Variants in TOM1 observed in about 807,000 individuals in gnomAD.
The protein encoded by TOM1 is target of myb1 membrane trafficking protein.
In TOM1, 38 loss-of-function variants were observed where a neutral mutation model predicts 61.3. That is an observed-to-expected ratio of 0.62 (90% CI 0.48 to 0.81). The LOEUF (loss-of-function observed/expected upper bound fraction) is 0.81, where lower values mean the gene tolerates loss of function less well. TOM1 is among the 40% of genes least tolerant of loss of function. TOM1 has a pLI of 0.00. For synonymous variants in TOM1, 270 were observed against 268.8 expected, an observed-to-expected ratio of 1.00 and a Z score of -0.04; for missense variants, 591 against 659.6, an observed-to-expected ratio of 0.90 and a Z score of 1.14.
At chr22:35,300,906 C>A (rs76982037) in intron 1 of TOM1, among the ~76,000 whole-genome samples, 19 of 42,890 alleles carry the variant, frequency 4.4e-4, no homozygotes, top group Non-Finnish European at 1.5e-3. Context: ...TAAAAAAAAA[C>A]AGTTGTAATA....
intron 12 of TOM1, chr22:35,345,437 C>T (rs1428184438): frequency 5.8e-6 from 3 of 519,440 alleles, no homozygotes; most frequent in Non-Finnish European, 1.1e-5. Flanking sequence ...AGAATCCTAC[C>T]CGAAGGGTGT....
chr22:35,326,828 C>T (rs2145672182), intron 6 of TOM1, among the ~76,000 whole-genome samples: 1 of 151,596 alleles, frequency 6.6e-6, no homozygotes, highest in Non-Finnish European at 1.5e-5. Context: ...GGGGGGGATC[C>T]CAGTCTTCTA....
chr22:35,315,967 C>T (rs1244921731), intron 1 of TOM1, among the ~76,000 whole-genome samples: 3 of 152,264 alleles, frequency 2.0e-5, no homozygotes, highest in Non-Finnish European at 4.4e-5. Context: ...ACCCACCCTC[C>T]CCGAGCCGGG....
chr22:35,343,518 TAC>T (rs912989467), intron 12 of TOM1, among the ~76,000 whole-genome samples: 4 of 79,592 alleles, frequency 5.0e-5, no homozygotes, highest in African/African-American at 2.0e-4. Flanking sequence ...CTCATACACC[TAC>T]ACACACCACA....
intron 12 of TOM1, among the ~76,000 whole-genome samples, chr22:35,341,802 A>G (rs1601715061): frequency 6.6e-6 from 1 of 152,132 alleles, no homozygotes; most frequent in East Asian, 1.9e-4. Flanking sequence ...AAGCTGATAA[A>G]CCGGTTATCA....
At chr22:35,333,196 C>T (rs1928989505) in intron 9 of TOM1, 182 bp downstream of exon 9, 4 of 803,910 alleles carry the variant, frequency 5.0e-6, no homozygotes, top group East Asian at 5.3e-5. Flanking sequence ...TGTGCCACCA[C>T]CTGATGCCCC....
intron 2 of TOM1, among the ~76,000 whole-genome samples, chr22:35,319,876 C>A (rs528270956): frequency 1.2e-3 from 187 of 152,330 alleles, no homozygotes; most frequent in Non-Finnish European, 1.5e-3. Context: ...CCACCGCAGG[C>A]CTGACCGCCT....
Position 35,306,449 on chromosome 22 carries a change from G to A in TOM1, c.52+6469G>A, listed in dbSNP as rs556643652. Reference sequence around the variant, plus strand: ...ATCCCCAAGTTTCTGTCTTGAGGATGACAGAGCTTTGTCTAGAAAGGGCTT... The same window carrying A: ...ATCCCCAAGTTTCTGTCTTGAGGATAACAGAGCTTTGTCTAGAAAGGGCTT... On this transcript the variant is annotated intron_variant, in intron 1 of 14. Transcript: ENST00000449058. Among the ~76,000 whole-genome samples the A allele has an allele frequency of 2.2e-4, 34 of 152,316 alleles. 1 individual carries two copies. In the South Asian group the frequency reaches 5.6e-3, roughly 25 times the overall value.
intron 11 of TOM1, among the ~76,000 whole-genome samples, chr22:35,336,067 G>A (rs1285133490): frequency 3.9e-5 from 6 of 152,282 alleles, no homozygotes; most frequent in African/African-American, 1.4e-4. Flanking sequence ...ATGAGCAGGA[G>A]GGAGCACAGG....
At chr22:35,333,536 A>G (rs1929019658) in intron 10 of TOM1, 39 bp downstream of exon 10, 1 of 1,591,622 alleles carries the variant, frequency 6.3e-7, no homozygotes. Context: ...AGGGTACATT[A>G]TGGTACTGTG....
At position 35,323,129 on chromosome 22, in the gene TOM1, G is replaced by C; in HGVS notation, c.318G>C (p.Lys106Asn). ...TGCTGGTGAGGACCATCCTGCCCAA[G>C]AACAACCCACCCACCATCGTGCATG... Reference protein sequence around the residue: ...ESVLVRTILPKNNPPTIVHDK... With the variant: ...ESVLVRTILPNNNPPTIVHDK... Residue 106 changes from lysine to asparagine, a missense_variant, in exon 4 of 15, where the codon AAG (lysine) becomes AAC (asparagine). Transcript: ENST00000449058. The surrounding 1 kb of genome is among the most constrained non-coding windows in gnomAD (Gnocchi z 4.2). 1 of 1,614,132 alleles carries C rather than the reference G, an allele frequency of 6.2e-7. No individual in the cohort carries two copies. The highest frequency in any genetic ancestry group is 8.5e-7 in the Non-Finnish European group (1 of 1,180,032).
chr22:35,321,000 A>AAAAAAAAAAAAAAAG (rs1181162681), intron 2 of TOM1, among the ~76,000 whole-genome samples: 3 of 150,472 alleles, frequency 2.0e-5, no homozygotes, highest in East Asian at 4.0e-4. Flanking sequence ...AAAAAAAAAA[A>AAAAAAAAAAAAAAAG]ACTTGAATGG....
chr22:35,347,206 A>G lies in TOM1; in HGVS notation c.1476A>G (p.Leu492=). Residue 492 remains leucine (L), a synonymous_variant, in exon 15 of 15, where the codon TTA becomes TTG. Coordinates refer to ENST00000449058, the MANE Select transcript of TOM1 (RefSeq NM_005488.3). ...QEKDDDMLFA[L] ...AAGATGATGACATGCTGTTTGCCTT[A>G]TGAGTGTGGGGTCTGGCACCCTGCA... The G allele has an allele frequency of 6.2e-7, 1 of 1,606,954 alleles. No individual in the cohort carries two copies. The highest frequency in any genetic ancestry group is 1.1e-5 in the South Asian group (1 of 90,376).
At position 35,333,589 on chromosome 22, in the gene TOM1, C is replaced by T. The variant is rs1929025460; in HGVS notation, c.1027+92C>T. On this transcript the variant is annotated intron_variant, in intron 10 of 14. Transcript: ENST00000449058. The stretch of plus-strand genomic sequence containing the variant: ...TCGGGGTGCCCTTGTTATATACCCA[C>T]AGCAGAGTGTCAGTCTGGACCCCAC... 11 of 1,131,724 alleles carry T rather than the reference C, an allele frequency of 9.7e-6. No individual in the cohort carries two copies. The South Asian group carries it at 1.0e-4, about 11-fold the overall frequency. 70.1% of individuals were successfully genotyped at this position (1,131,724 alleles called of 1,614,324 possible). A position where few individuals can be genotyped will look rare whatever the true frequency, so the allele number is the denominator to read the frequency against.
At chr22:35,340,321 T>C (rs921878592) in intron 12 of TOM1, among the ~76,000 whole-genome samples, 3 of 152,116 alleles carry the variant, frequency 2.0e-5, no homozygotes, top group Non-Finnish European at 1.5e-5. Context: ...TATGGGTATA[T>C]AGCAGGGACC....
At chr22:35,300,677 G>GCC (rs1925673659) in intron 1 of TOM1, among the ~76,000 whole-genome samples, 1 of 152,196 alleles carries the variant, frequency 6.6e-6, no homozygotes, top group Admixed American at 6.5e-5. Context: ...GCCAAGCCAA[G>GCC]CCCAGGGCAC....
chr22:35,315,732 CAG>C (rs1032549619), intron 1 of TOM1, among the ~76,000 whole-genome samples: 13 of 152,362 alleles, frequency 8.5e-5, no homozygotes, highest in African/African-American at 2.4e-4. Flanking sequence ...ACCAAGGTCT[CAG>C]AGCCACAGTT....
At chr22:35,308,572 A>G (rs1926548264) in intron 1 of TOM1, among the ~76,000 whole-genome samples, 1 of 151,792 alleles carries the variant, frequency 6.6e-6, no homozygotes, top group Admixed American at 6.6e-5. Context: ...ATGAGCTACC[A>G]CAGCCAGCCT....
chr22:35,347,405 C>T lies in TOM1; in HGVS notation c.*196C>T, dbSNP rs1051110276. ...TGGGATGAACTGGGGGACAGGTCTG[C>T]GCTGCAGTGGGATCTGGCTGCTCTG... is the stretch of plus-strand genomic sequence containing the variant. On this transcript the variant is annotated 3_prime_UTR_variant, in exon 15 of 15. Transcript: ENST00000449058. The T allele has an allele frequency of 1.7e-4, 93 of 540,720 alleles. 3 individuals are homozygous for T. The highest frequency in any genetic ancestry group is 1.5e-3 in the South Asian group (51 of 33,488). The allele number at this position is 540,720 out of a possible 1,614,324, so 33.5% of individuals were successfully genotyped here.
Sources: allele counts gnomAD v4.1 joint callset (sites outside exome capture counted in the v4.1 genomes callset), GRCh38; gene constraint gnomAD v4.1.1; non-coding constraint Gnocchi (gnomAD v3.1); transcripts MANE v1.5; gene names NCBI Gene and HGNC (gene_info 2026-07-23, HGNC 2026-07-21).